Variants in KCP observed in about 807,000 individuals in gnomAD.
KCP encodes the protein kielin/chordin-like protein.
A neutral mutation model predicts 212.7 loss-of-function variants in KCP; 194 were observed. That is an observed-to-expected ratio of 0.91 (90% CI 0.81 to 1.03). The LOEUF (loss-of-function observed/expected upper bound fraction) is 1.03. KCP is among the 50% of genes least tolerant of loss of function. KCP has a pLI of 0.00. For missense variants in KCP, 2,080 were observed against 2,162.5 expected, an observed-to-expected ratio of 0.96 and a Z score of 0.76; for synonymous variants, 833 against 865.3, an observed-to-expected ratio of 0.96 and a Z score of 0.65.
chr7:128,908,594 G>A, intron 1 of KCP, 26 bp from the exon 2 acceptor site: 1 of 1,543,042 alleles, frequency 6.5e-7, no homozygotes, highest in Non-Finnish European at 8.8e-7. Context: ...ATCCCATGTG[G>A]GCCTGAGGGT....
Position 128,878,602 on chromosome 7 carries a change from C to T in KCP, c.4267G>A (p.Gly1423Arg). 6.4e-7 allele frequency: 1 copy of T among 1,551,550 alleles called. No homozygotes were observed. Among genetic ancestry groups the T allele is most frequent in the Non-Finnish European group, 8.7e-7 (1 of 1,147,000 alleles). The change falls in exon 38 of 40, where the codon GGG becomes AGG. Residue 1423 changes from glycine (G) to arginine (R), a missense_variant. Physicochemically the swap from Gly to Arg is moderately radical, Grantham distance 125. Transcript: ENST00000610776. ...FAQDDLQGPE[G>R]LLLPSEAAFG... ...GCAGCCTCCGAGGGCAGGAGCAGCC[C>T]CTCAGGGCCCTGCAGATCGTCCTGG... is the stretch of plus-strand genomic sequence containing the variant.
intron 5 of KCP, 164 bp from the exon 6 acceptor site, chr7:128,904,302 A>G (rs532278367): frequency 2.8e-5 from 44 of 1,552,520 alleles, no homozygotes; most frequent in Admixed American, 2.2e-4. Context: ...CAGATGGGGC[A>G]GCACTCCCCA....
rs34574520 is a variant in KCP at position 128,878,055 on chromosome 7, C to CTTTT, written c.4312-269_4312-266dup. ...CTTGAGGGTTCAGGTAACAAGCCTTCTTTTTTTTTTTTTTTTTTGAGACAG... is the reference window on the plus strand; with the variant it reads ...CTTGAGGGTTCAGGTAACAAGCCTTCTTTTTTTTTTTTTTTTTTTTTTGAGACAG... On this transcript the variant is annotated intron_variant, in intron 38 of 39. Transcript: ENST00000610776. Among the ~76,000 whole-genome samples, 6 of 131,766 alleles carry CTTTT rather than the reference C, an allele frequency of 4.6e-5. No individual in the cohort carries two copies. The East Asian group carries it at 8.7e-4, about 19-fold the overall frequency. The allele number at this position is 131,766 out of a possible 152,430, so 86.4% of individuals were successfully genotyped here.
At position 128,884,856 on chromosome 7, in the gene KCP, C is replaced by A. The variant is rs1406906680; in HGVS notation, c.3048G>T (p.Glu1016Asp). 2 of 1,550,818 alleles carry A rather than the reference C, an allele frequency of 1.3e-6. No homozygotes were observed. Among genetic ancestry groups the A allele is most frequent in the Non-Finnish European group, 1.7e-6 (2 of 1,146,978 alleles). ...CAGGCTCGTACTTCCGGCCCTCATG[C>A]TCACAGTCTTTGGGGTGGAGTGAGA... ...HDCCPQCSDC[E>D]HEGRKYEPGE... Residue 1016 changes from glutamate (E) to aspartate (D), a missense_variant, in exon 28 of 40, where the codon GAG becomes GAT. Transcript: ENST00000610776.
At position 128,884,831 on chromosome 7, in the gene KCP, C is replaced by T. The variant is rs1344863235; in HGVS notation, c.3073G>A (p.Gly1025Arg). ...TCTGCCCCAGGCTGGAAGCTCTCCC[C>T]AGGCTCGTACTTCCGGCCCTCATGC... ...CEHEGRKYEP[G>R]ESFQPGADPC... Residue 1025 changes from glycine (G) to arginine (R), a missense_variant, in exon 28 of 40, where the codon GGG becomes AGG. Gly to Arg is a moderately radical substitution (Grantham distance 125). Transcript: ENST00000610776. The T allele has an allele frequency of 1.3e-6, 2 of 1,551,060 alleles. No homozygotes were observed. Among genetic ancestry groups the T allele is most frequent in the Non-Finnish European group, 1.7e-6 (2 of 1,146,984 alleles).
Position 128,879,705 on chromosome 7 carries a change from C to T in KCP, c.4044+13G>A, listed in dbSNP as rs377466183. 9.4e-5 allele frequency: 145 copies of T among 1,549,892 alleles called. No individual in the cohort carries two copies. Among genetic ancestry groups the T allele is most frequent in the Non-Finnish European group, 1.2e-4 (134 of 1,146,832 alleles). ...ACAGGATCCACCTTCCTCCACTCCT[C>T]GGCTTTGCTCACCGTGACTGCCCCG... On this transcript the variant is annotated intron_variant, in intron 36 of 39. Coordinates refer to ENST00000610776, the MANE Select transcript of KCP (RefSeq NM_001366122.1).
chr7:128,908,679 T>C, intron 1 of KCP, 111 bp from the exon 2 acceptor site: 1 of 1,203,054 alleles, frequency 8.3e-7, no homozygotes, highest in Non-Finnish European at 1.1e-6. Context: ...CTGTGCACCC[T>C]GCCCTCTCCA....
chr7:128,903,702 C>T, intron 7 of KCP, 25 bp downstream of exon 7: 1 of 1,520,026 alleles, frequency 6.6e-7, no homozygotes, highest in Non-Finnish European at 8.9e-7. Context: ...TGTGGCTCTA[C>T]CAGGGAGGGG....
At chr7:128,879,426 G>A in intron 37 of KCP, 96 bp downstream of exon 37, 2 of 1,057,034 alleles carry the variant, frequency 1.9e-6, no homozygotes, top group Non-Finnish European at 2.7e-6. Context: ...TGGCTAGGAG[G>A]TAGCTGGCAT....
intron 22 of KCP, 68 bp from the exon 23 acceptor site, chr7:128,887,368 A>C: frequency 8.6e-7 from 1 of 1,164,954 alleles, no homozygotes. Flanking sequence ...ACACACACAC[A>C]GCCCCTCCCC....
chr7:128,880,685 C>T lies in KCP; in HGVS notation c.3550G>A (p.Ala1184Thr). The T allele has an allele frequency of 1.9e-6, 1 of 513,836 alleles. No homozygotes were observed. Among genetic ancestry groups the T allele is most frequent in the Non-Finnish European group, 3.2e-6 (1 of 310,992 alleles). The allele number at this position is 513,836 out of a possible 1,614,324, so 31.8% of individuals were successfully genotyped here. ...HVECHLEECQALSCPHGWAKV... is the reference protein window; with the variant it reads ...HVECHLEECQTLSCPHGWAKV... The stretch of plus-strand genomic sequence containing the variant: ...GCCCAGCCATGGGGGCAGGAGAGGG[C>T]CTGGCACTCCTCGAGGTGGCACTCC... Residue 1184 changes from alanine (A) to threonine (T), a missense_variant, in exon 33 of 40, where the codon GCC (alanine) becomes ACC (threonine). Transcript: ENST00000610776.
chr7:128,902,407 T>C (rs1051144269), intron 8 of KCP, among the ~76,000 whole-genome samples: 3 of 152,266 alleles, frequency 2.0e-5, no homozygotes, highest in African/African-American at 7.2e-5. Flanking sequence ...ACATGTCAAG[T>C]GCTCAGTAGC....
chr7:128,880,290 GCC>G, intron 34 of KCP, 94 bp downstream of exon 34: 1 of 1,419,208 alleles, frequency 7.0e-7, no homozygotes, highest in South Asian at 1.4e-5. Context: ...GGCGGCAGGA[GCC>G]CAGCCTCCCT....
At chr7:128,910,151 A>C (rs1234459774) in intron 1 of KCP, among the ~76,000 whole-genome samples, 2 of 152,034 alleles carry the variant, frequency 1.3e-5, no homozygotes, top group Non-Finnish European at 2.9e-5. Context: ...AGTGGCACAA[A>C]CTTGGCTGGT....
intron 29 of KCP, among the ~76,000 whole-genome samples, chr7:128,883,415 G>A (rs1461909824): frequency 6.6e-6 from 1 of 152,156 alleles, no homozygotes; most frequent in Non-Finnish European, 1.5e-5. Flanking sequence ...TGGGATTACA[G>A]GCGTGAGCTA....
At position 128,895,836 on chromosome 7, in the gene KCP, A is replaced by G. The variant is rs958962988; in HGVS notation, c.832-1543T>C. Among the ~76,000 whole-genome samples the G allele has an allele frequency of 5.9e-5, 9 of 152,334 alleles. No individual in the cohort carries two copies. The South Asian group carries it at 1.5e-3, about 25-fold the overall frequency. ...TGTGGTCTAGAAGGGGGCATCATGA[A>G]TAATCCACCCCTTGTTTAGCATATC... On this transcript the variant is annotated intron_variant, in intron 8 of 39. Coordinates refer to ENST00000610776, the MANE Select transcript of KCP (RefSeq NM_001366122.1).
Position 128,891,527 on chromosome 7 carries a change from G to A in KCP, c.1802C>T (p.Ala601Val). ...TCCPNDCSGC[A>V]FGGKEYPSGA... ...GCTGGGGTACTCTTTCCCGCCAAAG[G>A]CACAGCCTGGGGGAGGGAGGGGCTA... The change falls in exon 18 of 40, where the codon GCC becomes GTC. Residue 601 changes from alanine (A) to valine (V), a missense_variant. Transcript: ENST00000610776. 1 of 1,549,146 alleles carries A rather than the reference G, an allele frequency of 6.5e-7. No individual in the cohort carries two copies.
intron 18 of KCP, 57 bp from the exon 19 acceptor site, chr7:128,891,335 AC>A: frequency 6.5e-7 from 1 of 1,544,978 alleles, no homozygotes; most frequent in Non-Finnish European, 8.7e-7. Flanking sequence ...GGCCGAGGAG[AC>A]CCCTCCCACC....
intron 21 of KCP, 145 bp downstream of exon 21, chr7:128,890,198 G>A: frequency 2.0e-6 from 3 of 1,478,716 alleles, no homozygotes; most frequent in Non-Finnish European, 2.7e-6. Context: ...GGGGTCACAG[G>A]CTTCAGCTAG....
Sources: gnomAD v4.1 joint callset for allele counts (sites outside exome capture counted in the v4.1 genomes callset) on GRCh38, gnomAD v4.1.1 for gene constraint, MANE v1.5 for transcripts, NCBI Gene and HGNC (gene_info 2026-07-23, HGNC 2026-07-21) for gene names.